VPS4A: variants seen among roughly 807,000 people sequenced by gnomAD.
VPS4A encodes vacuolar protein sorting-associated protein 4A.
VPS4A carries 20 observed loss-of-function variants against 52.3 expected under a neutral mutation model. The observed-to-expected ratio is 0.38, with a 90% CI of 0.27 to 0.56. The LOEUF (loss-of-function observed/expected upper bound fraction) is 0.56, where lower values mean the gene tolerates loss of function less well. VPS4A is among the 20% of genes least tolerant of loss of function. The pLI is 0.72. For synonymous variants in VPS4A, 293 were observed against 227.7 expected, an observed-to-expected ratio of 1.29 and a Z score of -2.58; for missense variants, 419 against 575.9, an observed-to-expected ratio of 0.73 and a Z score of 2.79.
Position 69,321,425 on chromosome 16 carries a change from C to CA in VPS4A, c.1071+156dup. On this transcript the variant is annotated intron_variant, in intron 9 of 10. Transcript: ENST00000254950. The surrounding 1 kb of genome is among the most constrained non-coding windows in gnomAD (Gnocchi z 4.5). ...CCGAGGGCCAGTGCCATGGGGGCTG[C>CA]ACCCACTGTCCCCTCCCTGCAGCTC... The CA allele has an allele frequency of 1.3e-6, 1 of 765,930 alleles. No homozygotes were observed. Among genetic ancestry groups the CA allele is most frequent in the Non-Finnish European group, 2.1e-6 (1 of 481,914 alleles). 47.4% of individuals were successfully genotyped at this position (765,930 alleles called of 1,614,324 possible). A position where few individuals can be genotyped will look rare whatever the true frequency, so the allele number is the denominator to read the frequency against.
chr16:69,323,943 C>CAAAAAAAAAAAAAA (rs143292768), intron 10 of VPS4A, among the ~76,000 whole-genome samples: 2 of 108,680 alleles, frequency 1.8e-5, no homozygotes, highest in African/African-American at 3.9e-5. Flanking sequence ...GACTCCGTCT[C>CAAAAAAAAAAAAAA]CAAAAAAAAA....
Position 69,319,367 on chromosome 16 carries a change from T to C in VPS4A, c.464-20T>C. The C allele has an allele frequency of 2.5e-6, 4 of 1,613,276 alleles. No individual in the cohort carries two copies. Among genetic ancestry groups the C allele is most frequent in the Non-Finnish European group, 3.4e-6 (4 of 1,179,420 alleles). ...CTTTCCCCAGTCAGGAGGCCTAACT[T>C]CTGTGGTTCTCTGTTGCAGGCAAGC... On this transcript the variant is annotated intron_variant, in intron 5 of 10. Coordinates refer to ENST00000254950, the MANE Select transcript of VPS4A (RefSeq NM_013245.3).
At position 69,324,510 on chromosome 16, in the gene VPS4A, TG is replaced by T; in HGVS notation, c.*203del. On this transcript the variant is annotated 3_prime_UTR_variant, in exon 11 of 11. Coordinates refer to ENST00000254950, the MANE Select transcript of VPS4A (RefSeq NM_013245.3). ...CACTCCACTGCCCTGGGGCACACAG[TG>T]GACACTGCTCTTCCTACTTCCTCCT... is the stretch of plus-strand genomic sequence containing the variant. 1.7e-6 allele frequency: 1 copy of T among 590,598 alleles called. No individual in the cohort carries two copies. Among genetic ancestry groups the T allele is most frequent in the East Asian group, 2.9e-5 (1 of 34,988 alleles). 36.6% of individuals were successfully genotyped at this position (590,598 alleles called of 1,614,324 possible).
intron 10 of VPS4A, 70 bp from the exon 11 acceptor site, chr16:69,324,138 T>A: frequency 6.7e-7 from 1 of 1,489,646 alleles, no homozygotes; most frequent in Non-Finnish European, 9.2e-7. Context: ...GCTGCGCCTG[T>A]TGTGTGCTGA....
At position 69,320,063 on chromosome 16, in the gene VPS4A, G is replaced by A. The variant is rs530176226; in HGVS notation, c.621-78G>A. 474 of 1,514,452 alleles carry A rather than the reference G, an allele frequency of 3.1e-4. 4 individuals are homozygous for A. The Middle Eastern group carries it at 5.9e-3, about 19-fold the overall frequency. 93.8% of individuals were successfully genotyped at this position (1,514,452 alleles called of 1,614,324 possible). On this transcript the variant is annotated intron_variant, in intron 6 of 10. Transcript: ENST00000254950. The surrounding 1 kb of genome is among the most constrained non-coding windows in gnomAD (Gnocchi z 4.2). ...GCCTGCGCCTCCCTGTGGGAAGGGT[G>A]AGAAGAGGGAAGTGCCGGGAGCCCA...
At chr16:69,317,516 G>T (rs952209852) in intron 3 of VPS4A, among the ~76,000 whole-genome samples, 1 of 152,150 alleles carries the variant, frequency 6.6e-6, no homozygotes. Flanking sequence ...AAAATAGGCC[G>T]GGCGCGGTGG....
At chr16:69,322,091 C>T (rs1018073839) in intron 9 of VPS4A, 42 of 165,962 alleles carry the variant, frequency 2.5e-4, no homozygotes, top group Non-Finnish European at 4.8e-4. Flanking sequence ...ATGCTGGTGG[C>T]AAGAGAAAAT....
At position 69,326,447 on chromosome 16, in the gene VPS4A, A is replaced by G. The variant is rs1357215443; in HGVS notation, c.*2138A>G. On this transcript the variant is annotated 3_prime_UTR_variant, in exon 11 of 11. Transcript: ENST00000254950. ...CTTTAGTGAGCTTACAAGTTTTTAA[A>G]TTTTTACTTCTAGTTACATTTACTT... 2.6e-5 allele frequency: 4 copies of G among 152,198 alleles called. No homozygotes were observed. The highest frequency in any genetic ancestry group is 9.6e-5 in the African/African-American group (4 of 41,452). 9.4% of individuals were successfully genotyped at this position (152,198 alleles called of 1,614,324 possible). A position where few individuals can be genotyped will look rare whatever the true frequency, so the allele number is the denominator to read the frequency against.
rs776363177 is a variant in VPS4A at position 69,316,309 on chromosome 16, A to G, written c.218A>G (p.Tyr73Cys). ...GACCGGGCCGAGAAGCTGAAGGATT[A>G]TTTACGAAGCAAAGAGAAACACGGC... ...YLDRAEKLKD[Y>C]LRSKEKHGKK... Residue 73 changes from tyrosine to cysteine, a missense_variant, in exon 3 of 11, where the codon TAT (tyrosine) becomes TGT (cysteine). By Grantham distance (194) the Tyr-to-Cys change is radical (BLOSUM62 -2). Transcript: ENST00000254950. 1.2e-6 allele frequency: 2 copies of G among 1,613,882 alleles called. No individual in the cohort carries two copies. Among genetic ancestry groups the G allele is most frequent in the Non-Finnish European group, 1.7e-6 (2 of 1,179,874 alleles).
In VPS4A at chr16:69,324,340, G is replaced by A; in HGVS notation, c.*31G>A. On this transcript the variant is annotated 3_prime_UTR_variant, in exon 11 of 11. Coordinates refer to ENST00000254950, the MANE Select transcript of VPS4A (RefSeq NM_013245.3). ...GCTTCACTTGGGCAATGGTGAAGGT[G>A]GGAGGTTGATTGGGGCAAATCCAGG... 1 of 1,607,388 alleles carries A rather than the reference G, an allele frequency of 6.2e-7. No homozygotes were observed. The highest frequency in any genetic ancestry group is 8.5e-7 in the Non-Finnish European group (1 of 1,176,370).
In VPS4A at chr16:69,318,024, C is replaced by T. The variant is rs1406675745; in HGVS notation, c.282-626C>T. On this transcript the variant is annotated intron_variant, in intron 3 of 10. Coordinates refer to ENST00000254950, the MANE Select transcript of VPS4A (RefSeq NM_013245.3). ...TTGACTGGCTTTTTTTTTTTTTTTT[C>T]CCCCAGACAGGGCTTCACTGTCTCC... Among the ~76,000 whole-genome samples the T allele has an allele frequency of 3.5e-3, 477 of 134,806 alleles. 1 individual carries two copies. The highest frequency in any genetic ancestry group is 0.011 in the African/African-American group (406 of 36,618). The allele number at this position is 134,806 out of a possible 152,430, so 88.4% of individuals were successfully genotyped here. A position where few individuals can be genotyped will look rare whatever the true frequency, so the allele number is the denominator to read the frequency against.
chr16:69,315,638 C>T (rs1027370260), intron 1 of VPS4A, among the ~76,000 whole-genome samples: 3 of 152,242 alleles, frequency 2.0e-5, no homozygotes. Context: ...CACTTGCTCC[C>T]GCGTGTCCCT....
Position 69,321,355 on chromosome 16 carries a change from TC to T in VPS4A, c.1071+89del, listed in dbSNP as rs1346663234. The T allele has an allele frequency of 2.8e-6, 4 of 1,429,548 alleles. No homozygotes were observed. The African/African-American group carries it at 4.2e-5, about 15-fold the overall frequency. 88.6% of individuals were successfully genotyped at this position (1,429,548 alleles called of 1,614,324 possible). On this transcript the variant is annotated intron_variant, in intron 9 of 10. Transcript: ENST00000254950. This position sits in a 1 kb window ranked among gnomAD's most constrained non-coding sequence, Gnocchi z 4.5. ...TTTTTTTCCCAGCTCCTGGTCCTGC[TC>T]CCCGGCTGCTCAGGTGACACAGTCT...
chr16:69,320,990 C>T lies in VPS4A; in HGVS notation c.852-61C>T, dbSNP rs1965502673. 1.3e-6 allele frequency: 2 copies of T among 1,495,504 alleles called. No individual in the cohort carries two copies. The highest frequency in any genetic ancestry group is 1.8e-6 in the Non-Finnish European group (2 of 1,097,530). 92.6% of individuals were successfully genotyped at this position (1,495,504 alleles called of 1,614,324 possible). On this transcript the variant is annotated intron_variant, in intron 8 of 10. Coordinates refer to ENST00000254950, the MANE Select transcript of VPS4A (RefSeq NM_013245.3). The surrounding 1 kb of genome is among the most constrained non-coding windows in gnomAD (Gnocchi z 4.2). Reference sequence around the variant, plus strand: ...GTTTCACTCAAATCTTCGTGCCTCCCCTTCCGTGAATACCATTCCATCATC... The same window carrying T: ...GTTTCACTCAAATCTTCGTGCCTCCTCTTCCGTGAATACCATTCCATCATC...
chr16:69,318,637 T>C lies in VPS4A; in HGVS notation c.282-13T>C. ...TGAAGGGCCAGCTTGTGACTTTCCG[T>C]CTCCCTTCCCAGCAGTGACAGTGAC... On this transcript the variant is annotated splice_polypyrimidine_tract_variant and intron_variant, in intron 3 of 10. Coordinates refer to ENST00000254950, the MANE Select transcript of VPS4A (RefSeq NM_013245.3). The C allele has an allele frequency of 6.2e-7, 1 of 1,601,764 alleles. No homozygotes were observed. The highest frequency in any genetic ancestry group is 1.7e-5 in the Admixed American group (1 of 57,416).
intron 3 of VPS4A, among the ~76,000 whole-genome samples, chr16:69,317,156 A>T (rs536060553): frequency 3.9e-4 from 59 of 152,244 alleles, no homozygotes; most frequent in African/African-American, 1.4e-3. Flanking sequence ...AGGTCTGGCG[A>T]GGCAGGGGTG....
chr16:69,320,011 GT>G lies in VPS4A; in HGVS notation c.621-126del. 7.6e-7 allele frequency: 1 copy of G among 1,314,010 alleles called. No homozygotes were observed. Among genetic ancestry groups the G allele is most frequent in the Non-Finnish European group, 1.0e-6 (1 of 971,552 alleles). The allele number at this position is 1,314,010 out of a possible 1,614,324, so 81.4% of individuals were successfully genotyped here. The stretch of plus-strand genomic sequence containing the variant: ...TGGCCCGAGGGCTCCTCACCACCAC[GT>G]TTTCCGCAATTCCGGCATGACCGTG... On this transcript the variant is annotated intron_variant, in intron 6 of 10. Transcript: ENST00000254950. This position sits in a 1 kb window ranked among gnomAD's most constrained non-coding sequence, Gnocchi z 4.2.
Position 69,320,080 on chromosome 16 carries a change from G to A in VPS4A, c.621-61G>A, listed in dbSNP as rs927056311. ...GGAAGGGTGAGAAGAGGGAAGTGCC[G>A]GGAGCCCAGGCGGGCACGGACGTGA... On this transcript the variant is annotated intron_variant, in intron 6 of 10. Coordinates refer to ENST00000254950, the MANE Select transcript of VPS4A (RefSeq NM_013245.3). The surrounding 1 kb of genome is among the most constrained non-coding windows in gnomAD (Gnocchi z 4.2). 3.7e-5 allele frequency: 58 copies of A among 1,551,266 alleles called. No individual in the cohort carries two copies. The highest frequency in any genetic ancestry group is 9.5e-5 in the African/African-American group (7 of 73,448).
Position 69,324,222 on chromosome 16 carries a change from G to T in VPS4A, c.1227G>T (p.Arg409=), listed in dbSNP as rs376738175. Residue 409 remains arginine (R), a synonymous_variant, in exon 11 of 11, where the codon CGG becomes CGT. Coordinates refer to ENST00000254950, the MANE Select transcript of VPS4A (RefSeq NM_013245.3). ...EPVVCMSDML[R]SLATTRPTVN... is the part of the protein sequence containing the mutation. ...TGCCTTCACAGTCGGACATGCTGCG[G>T]TCTCTGGCCACCACCCGGCCCACGG... 7 of 1,613,492 alleles carry T rather than the reference G, an allele frequency of 4.3e-6. No individual in the cohort carries two copies. In the African/African-American group the frequency reaches 8.0e-5, roughly 18 times the overall value.
Sources: allele counts gnomAD v4.1 joint callset (sites outside exome capture counted in the v4.1 genomes callset), GRCh38; gene constraint gnomAD v4.1.1; non-coding constraint Gnocchi (gnomAD v3.1); transcripts MANE v1.5; gene names NCBI Gene and HGNC (gene_info 2026-07-23, HGNC 2026-07-21).